The following MACROD2 variants were observed in gnomAD, a reference collection of about 807,000 sequenced individuals.
MACROD2 encodes ADP-ribose glycohydrolase MACROD2.
A neutral mutation model predicts 70.4 loss-of-function variants in MACROD2; 36 were observed. The ratio of observed to expected loss-of-function variants is 0.51; its 90% confidence interval spans 0.39 to 0.68. MACROD2 has a LOEUF of 0.68. MACROD2 is among the 30% of genes least tolerant of loss of function. The probability of loss-of-function intolerance (pLI) is 0.00; values close to 1 mark genes in which losing one functional copy is unlikely to be tolerated. For missense variants in MACROD2, 496 were observed against 538.4 expected (o/e 0.92, Z 0.78); for synonymous variants, 172 against 178.8 (o/e 0.96, Z 0.30).
At position 15,929,430 on chromosome 20, in the gene MACROD2, T is replaced by TA. The variant is rs1568647576; in HGVS notation, c.776-3846_776-3845insA. ...TGCTCACAGTGGGAGGACACTGATT[T>TA]TATATATATATATATACACATATAC... On this transcript the variant is annotated intron_variant, in intron 10 of 17. Coordinates refer to ENST00000684519, the MANE Select transcript of MACROD2 (RefSeq NM_001351661.2). Among the ~76,000 whole-genome samples the TA allele has an allele frequency of 1.2e-3, 180 of 149,986 alleles. 1 individual carries two copies. In the East Asian group the frequency reaches 0.027, roughly 22 times the overall value.
At chr20:14,328,092 C>T (rs1230836225) in intron 3 of MACROD2, among the ~76,000 whole-genome samples, 1 of 152,050 alleles carries the variant, frequency 6.6e-6, no homozygotes, top group African/African-American at 2.4e-5. Context: ...GGAATAGTTA[C>T]ACACATCTTG....
intron 5 of MACROD2, chr20:14,850,031 G>T (rs1204212553): frequency 2.0e-6 from 1 of 508,988 alleles, no homozygotes; most frequent in Admixed American, 2.0e-5. Flanking sequence ...ATTCCTGCAG[G>T]TTAGGATTGT....
intron 5 of MACROD2, among the ~76,000 whole-genome samples, chr20:14,986,314 G>C (rs75877302): frequency 1.3e-5 from 2 of 152,106 alleles, no homozygotes; most frequent in African/African-American, 4.8e-5. Flanking sequence ...CCCCATTAAA[G>C]TTAATGAATA....
chr20:15,764,747 A>G (rs544780273), intron 8 of MACROD2, among the ~76,000 whole-genome samples: 3 of 152,330 alleles, frequency 2.0e-5, no homozygotes, highest in Non-Finnish European at 4.4e-5. Flanking sequence ...GGCAGCATCC[A>G]GGGTGAGTTT....
At chr20:15,291,539 C>A (rs1448995437) in intron 6 of MACROD2, among the ~76,000 whole-genome samples, 2 of 152,136 alleles carry the variant, frequency 1.3e-5, no homozygotes, top group East Asian at 1.9e-4. Context: ...TAATTAAGGT[C>A]TCATCTGAAT....
Position 16,051,459 on chromosome 20 carries a change from A to G in MACROD2, c.*1583A>G, listed in dbSNP as rs2067457385. On this transcript the variant is annotated 3_prime_UTR_variant, in exon 18 of 18. Coordinates refer to ENST00000684519, the MANE Select transcript of MACROD2 (RefSeq NM_001351661.2). Reference sequence around the variant, plus strand: ...GATATACTGGAATAGTTAACAAGCTATACTTCAGCATATGCACTATATTCT... The same window carrying G: ...GATATACTGGAATAGTTAACAAGCTGTACTTCAGCATATGCACTATATTCT... 1 of 152,154 alleles carries G rather than the reference A, an allele frequency of 6.6e-6. No homozygotes were observed. The highest frequency in any genetic ancestry group is 2.4e-5 in the African/African-American group (1 of 41,438). The allele number at this position is 152,154 out of a possible 1,614,324, so 9.4% of individuals were successfully genotyped here. A position where few individuals can be genotyped will look rare whatever the true frequency, so the allele number is the denominator to read the frequency against.
intron 5 of MACROD2, among the ~76,000 whole-genome samples, chr20:15,209,345 A>G (rs2145944039): frequency 6.6e-6 from 1 of 152,114 alleles, no homozygotes; most frequent in South Asian, 2.1e-4. Flanking sequence ...AGTTAGCAGG[A>G]GGAATAGGGA....
rs145597623 is a variant in MACROD2, at chr20:15,815,874, G to A, written c.646-46871G>A. On this transcript the variant is annotated intron_variant, in intron 8 of 17. Transcript: ENST00000684519. The stretch of plus-strand genomic sequence containing the variant: ...TTTTTTTCCATGATGTTGATTATTA[G>A]ATTTCAAAACTTTTAAATCTTAAGT... Among the ~76,000 whole-genome samples the A allele has an allele frequency of 5.2e-3, 785 of 152,140 alleles. 3 individuals are homozygous for A. The highest frequency in any genetic ancestry group is 0.018 in the African/African-American group (759 of 41,510).
At chr20:15,994,620 A>G (rs917022618) in intron 15 of MACROD2, among the ~76,000 whole-genome samples, 51 of 152,314 alleles carry the variant, frequency 3.3e-4, no homozygotes, top group African/African-American at 1.2e-3. Flanking sequence ...TCAGAACTTA[A>G]GAGAATTCAT....
intron 7 of MACROD2, among the ~76,000 whole-genome samples, chr20:15,470,213 C>G (rs933305006): frequency 2.0e-5 from 3 of 152,086 alleles, no homozygotes; most frequent in South Asian, 2.1e-4. Flanking sequence ...CCACACCCAG[C>G]TAATTTTTTG....
chr20:15,806,309 A>G (rs1188098281), intron 8 of MACROD2, among the ~76,000 whole-genome samples: 1 of 152,166 alleles, frequency 6.6e-6, no homozygotes, highest in Non-Finnish European at 1.5e-5. Context: ...TGACAGCCTC[A>G]TTTACACTGG....
chr20:14,389,739 C>T (rs759584256), intron 3 of MACROD2, among the ~76,000 whole-genome samples: 21 of 152,104 alleles, frequency 1.4e-4, no homozygotes, highest in Admixed American at 6.6e-5. Context: ...TAAATTTTAA[C>T]CATAAGCATA....
intron 5 of MACROD2, among the ~76,000 whole-genome samples, chr20:15,152,964 T>G (rs537911439): frequency 6.6e-6 from 1 of 151,880 alleles, no homozygotes; most frequent in South Asian, 2.1e-4. Context: ...TGAGGGATAG[T>G]GAGAGAGGTT....
At chr20:15,700,412 C>T (rs2050440516) in intron 8 of MACROD2, among the ~76,000 whole-genome samples, 2 of 152,216 alleles carry the variant, frequency 1.3e-5, no homozygotes, top group Admixed American at 6.5e-5. Flanking sequence ...CGTGGAATCC[C>T]TGCTCTGCCG....
chr20:14,330,612 A>G (rs896927999), intron 3 of MACROD2, among the ~76,000 whole-genome samples: 3 of 152,130 alleles, frequency 2.0e-5, no homozygotes, highest in Non-Finnish European at 2.9e-5. Context: ...AGAAAAGTGA[A>G]AACAATTACA....
intron 3 of MACROD2, among the ~76,000 whole-genome samples, chr20:14,473,730 C>T (rs553437405): frequency 2.6e-5 from 4 of 152,282 alleles, no homozygotes; most frequent in African/African-American, 9.6e-5. Context: ...TCCATACTGT[C>T]GTCTATGATA....
chr20:15,144,941 C>G (rs746936484), intron 5 of MACROD2, among the ~76,000 whole-genome samples: 3 of 152,104 alleles, frequency 2.0e-5, no homozygotes, highest in Non-Finnish European at 4.4e-5. Context: ...GAGCACAGTA[C>G]AGAAGAACGG....
At position 14,372,636 on chromosome 20, in the gene MACROD2, C is replaced by G. The variant is rs117250582; in HGVS notation, c.272-120843C>G. 3.6e-3 allele frequency among the ~76,000 whole-genome samples: 555 copies of G among 152,198 alleles called. 7 individuals are homozygous for G. The highest frequency in any genetic ancestry group is 5.6e-3 in the Non-Finnish European group (379 of 68,010). ...GATTCAATTCCTCTCACCGTTACCCCCAGCTCTCAGCCTTCCATCTCCCCA... is the reference window on the plus strand; with the variant it reads ...GATTCAATTCCTCTCACCGTTACCCGCAGCTCTCAGCCTTCCATCTCCCCA... On this transcript the variant is annotated intron_variant, in intron 3 of 17. Coordinates refer to ENST00000684519, the MANE Select transcript of MACROD2 (RefSeq NM_001351661.2).
chr20:14,875,208 C>T (rs1005427322), intron 5 of MACROD2, among the ~76,000 whole-genome samples: 1 of 151,762 alleles, frequency 6.6e-6, no homozygotes. Flanking sequence ...TAGTGAAACC[C>T]CATCTCTACT....
Sources: gnomAD v4.1 joint callset for allele counts (sites outside exome capture counted in the v4.1 genomes callset) on GRCh38, gnomAD v4.1.1 for gene constraint, MANE v1.5 for transcripts, NCBI Gene and HGNC (gene_info 2026-07-23, HGNC 2026-07-21) for gene names.